The following PDE10A variants were observed in gnomAD, a reference collection of about 807,000 sequenced individuals.
PDE10A encodes phosphodiesterase 10A.
Under a neutral mutation model 97.7 loss-of-function variants are expected in PDE10A, and 39 were observed. The ratio of observed to expected loss-of-function variants is 0.40; its 90% CI spans 0.31 to 0.52. PDE10A has a LOEUF of 0.52. Among genes scored for constraint, PDE10A ranks in the 20% least tolerant of loss-of-function variants. The pLI, the probability that PDE10A is intolerant of heterozygous loss-of-function variation, is 0.56. For missense variants in PDE10A, 731 were observed against 1,047.8 expected (o/e 0.70, Z 4.17); for synonymous variants, 371 against 376.8 (o/e 0.98, Z 0.18).
At chr6:165,854,274 C>A (rs1780651785) in intron 1 of PDE10A, among the ~76,000 whole-genome samples, 1 of 152,064 alleles carries the variant, frequency 6.6e-6, no homozygotes, top group Non-Finnish European at 1.5e-5. Flanking sequence ...GCCCCTGCGC[C>A]GGGTGACGGA....
chr6:165,941,211 G>A (rs538046483), intron 1 of PDE10A, among the ~76,000 whole-genome samples: 90 of 152,314 alleles, frequency 5.9e-4, no homozygotes, highest in Middle Eastern at 6.8e-3. Flanking sequence ...GACTAAACCA[G>A]ATGATACCAG....
At chr6:165,642,048 C>T (rs1789162659) in intron 1 of PDE10A, among the ~76,000 whole-genome samples, 1 of 151,940 alleles carries the variant, frequency 6.6e-6, no homozygotes, top group Non-Finnish European at 1.5e-5. Context: ...CTCATTTCAT[C>T]GGGGGTGTAA....
At chr6:165,334,364 T>A (rs1448941476) in intron 21 of PDE10A, among the ~76,000 whole-genome samples, 1 of 147,488 alleles carries the variant, frequency 6.8e-6, no homozygotes, top group Non-Finnish European at 1.5e-5. Flanking sequence ...GGCACGCGCC[T>A]CCATAGCGCC....
intron 1 of PDE10A, among the ~76,000 whole-genome samples, chr6:165,607,252 A>G (rs899395380): frequency 5.3e-5 from 8 of 152,242 alleles, no homozygotes; most frequent in Admixed American, 1.3e-4. Context: ...TTTAGCTGCA[A>G]TTACAGCCAT....
chr6:165,854,297 C>T (rs1780652872), intron 1 of PDE10A, among the ~76,000 whole-genome samples: 1 of 152,074 alleles, frequency 6.6e-6, no homozygotes, highest in South Asian at 2.1e-4. Flanking sequence ...AGAAAGGGGC[C>T]CGCAGGAGGC....
intron 17 of PDE10A, among the ~76,000 whole-genome samples, chr6:165,387,151 A>G (rs1250027218): frequency 6.6e-6 from 1 of 152,214 alleles, no homozygotes; most frequent in East Asian, 1.9e-4. Flanking sequence ...TCACGACCAA[A>G]CTGAACCATG....
chr6:165,689,990 T>G (rs1328262995), intron 1 of PDE10A, among the ~76,000 whole-genome samples: 1 of 152,206 alleles, frequency 6.6e-6, no homozygotes, highest in Non-Finnish European at 1.5e-5. Flanking sequence ...TCACCATTTT[T>G]TTTTAACAAG....
intron 1 of PDE10A, among the ~76,000 whole-genome samples, chr6:165,580,228 G>A (rs994485536): frequency 3.3e-5 from 5 of 152,106 alleles, no homozygotes; most frequent in African/African-American, 1.2e-4. Flanking sequence ...GGGGTCAGGA[G>A]AGAGTCATGA....
At chr6:165,591,730 T>C (rs547634224) in intron 1 of PDE10A, among the ~76,000 whole-genome samples, 2 of 152,230 alleles carry the variant, frequency 1.3e-5, no homozygotes, top group African/African-American at 4.8e-5. Context: ...TGAATGTATT[T>C]TAGCCCAATA....
chr6:165,553,525 A>C (rs1223141650), intron 1 of PDE10A, among the ~76,000 whole-genome samples: 8 of 152,206 alleles, frequency 5.3e-5, no homozygotes. Flanking sequence ...ATTCCACTGA[A>C]AGAGAATTGG....
At chr6:165,648,947 T>C (rs1583712225) in intron 1 of PDE10A, among the ~76,000 whole-genome samples, 1 of 152,090 alleles carries the variant, frequency 6.6e-6, no homozygotes, top group African/African-American at 2.4e-5. Context: ...CCCATCCCCA[T>C]CCTTGTCCCC....
chr6:165,420,446 G>T (rs1428004824), intron 10 of PDE10A, among the ~76,000 whole-genome samples: 1 of 152,162 alleles, frequency 6.6e-6, no homozygotes, highest in Non-Finnish European at 1.5e-5. Context: ...TAAAGGCACA[G>T]CGAGAGTGAT....
At chr6:165,617,019 T>C (rs938685625) in intron 1 of PDE10A, among the ~76,000 whole-genome samples, 2 of 152,162 alleles carry the variant, frequency 1.3e-5, no homozygotes, top group African/African-American at 4.8e-5. Flanking sequence ...TTTGAGAAAA[T>C]ACATCTTAAT....
chr6:165,837,037 T>C (rs972455614), intron 1 of PDE10A, among the ~76,000 whole-genome samples: 2 of 110,182 alleles, frequency 1.8e-5, no homozygotes, highest in African/African-American at 3.7e-5. Flanking sequence ...CATCACACTC[T>C]GGGGACTGTT....
At chr6:165,969,003 T>A (rs1261179765) in intron 1 of PDE10A, among the ~76,000 whole-genome samples, 2 of 152,208 alleles carry the variant, frequency 1.3e-5, no homozygotes, top group African/African-American at 2.4e-5. Context: ...AAGCCAGCAC[T>A]ATGATGAGTG....
intron 1 of PDE10A, among the ~76,000 whole-genome samples, chr6:165,724,875 C>G (rs1436524460): frequency 6.6e-6 from 1 of 152,182 alleles, no homozygotes; most frequent in African/African-American, 2.4e-5. Flanking sequence ...GAGGCAGGTT[C>G]CCTGGTCAGG....
At chr6:165,902,146 A>G (rs1782128438) in intron 1 of PDE10A, among the ~76,000 whole-genome samples, 1 of 152,222 alleles carries the variant, frequency 6.6e-6, no homozygotes, top group Admixed American at 6.5e-5. Flanking sequence ...ACATATGCAG[A>G]TTAGATTTCT....
chr6:165,595,581 G>A (rs1562614003), intron 1 of PDE10A, among the ~76,000 whole-genome samples: 1 of 152,124 alleles, frequency 6.6e-6, no homozygotes. Context: ...TCATAATATA[G>A]CCAAAAACCT....
At chr6:165,637,582 C>G (rs1296657425) in intron 1 of PDE10A, among the ~76,000 whole-genome samples, 1 of 152,174 alleles carries the variant, frequency 6.6e-6, no homozygotes, top group African/African-American at 2.4e-5. Flanking sequence ...GTGTGTCGGG[C>G]AGCATAACAG....
Sources: gnomAD v4.1 joint callset for allele counts (sites outside exome capture counted in the v4.1 genomes callset) on GRCh38, gnomAD v4.1.1 for gene constraint, MANE v1.5 for transcripts, NCBI Gene and HGNC (gene_info 2026-07-23, HGNC 2026-07-21) for gene names.